Variants in DHX29 observed in about 807,000 individuals in gnomAD.
DHX29 encodes the protein DExH-box helicase 29, also known as ATP-dependent RNA helicase DHX29.
A neutral mutation model predicts 167.9 loss-of-function variants in DHX29; 79 were observed. That is an observed-to-expected ratio of 0.47 (90% CI 0.39 to 0.57). The LOEUF is 0.57. Among genes scored for constraint, DHX29 ranks in the 20% least tolerant of loss-of-function variants. DHX29 has a pLI of 0.00. For synonymous variants in DHX29, 530 were observed against 546.0 expected (o/e 0.97, Z 0.41); for missense variants, 1,347 against 1,593.4 (o/e 0.85, Z 2.63).
intron 7 of DHX29, 118 bp downstream of exon 7, chr5:55,290,100 C>T: frequency 7.4e-6 from 9 of 1,214,338 alleles, no homozygotes; most frequent in Non-Finnish European, 9.1e-6. Flanking sequence ...TTTGCTAATC[C>T]CATGTATAAA....
At chr5:55,301,157 G>A (rs1748578868) in intron 1 of DHX29, among the ~76,000 whole-genome samples, 1 of 152,106 alleles carries the variant, frequency 6.6e-6, no homozygotes, top group South Asian at 2.1e-4. Flanking sequence ...CACACTGGGG[G>A]TAAGGGTCTC....
intron 12 of DHX29, among the ~76,000 whole-genome samples, chr5:55,280,891 T>C (rs1561151816): frequency 6.6e-6 from 1 of 152,158 alleles, no homozygotes; most frequent in South Asian, 2.1e-4. Context: ...TCAGGTCCTA[T>C]GTGCCAGTGA....
chr5:55,276,452 A>G, intron 13 of DHX29, 46 bp from the exon 14 acceptor site: 1 of 1,453,168 alleles, frequency 6.9e-7, no homozygotes, highest in Non-Finnish European at 9.3e-7. Context: ...AATTCGTTTC[A>G]GTAAATATCA....
intron 12 of DHX29, among the ~76,000 whole-genome samples, chr5:55,279,151 G>A (rs1417436872): frequency 1.3e-5 from 2 of 152,198 alleles, no homozygotes; most frequent in East Asian, 1.9e-4. Flanking sequence ...CAAGGGTAAC[G>A]CCAGTGAATA....
intron 23 of DHX29, among the ~76,000 whole-genome samples, chr5:55,264,954 T>G (rs1040971261): frequency 2.6e-5 from 4 of 152,060 alleles, no homozygotes; most frequent in Non-Finnish European, 5.9e-5. Flanking sequence ...AATGAAACAA[T>G]AGGTCCGAGT....
At chr5:55,281,552 T>C (rs764974076) in intron 11 of DHX29, 37 bp from the exon 12 acceptor site, 9 of 1,458,642 alleles carry the variant, frequency 6.2e-6, no homozygotes, top group Non-Finnish European at 8.2e-6. Context: ...TAGATTCTCA[T>C]GAGTAATATG....
chr5:55,303,506 T>G (rs1245726680), intron 1 of DHX29, among the ~76,000 whole-genome samples: 1 of 152,254 alleles, frequency 6.6e-6, no homozygotes, highest in Non-Finnish European at 1.5e-5. Flanking sequence ...AAGTACACAC[T>G]GCCAGGGCCG....
At chr5:55,281,712 C>T (rs1747424370) in intron 11 of DHX29, among the ~76,000 whole-genome samples, 197 bp from the exon 12 acceptor site, 1 of 151,676 alleles carries the variant, frequency 6.6e-6, no homozygotes. Context: ...TTATTAAAAG[C>T]ATTTTCCCAT....
At chr5:55,302,265 G>A (rs570667995) in intron 1 of DHX29, among the ~76,000 whole-genome samples, 2 of 152,238 alleles carry the variant, frequency 1.3e-5, no homozygotes, top group South Asian at 2.1e-4. Context: ...TTAGCATGCA[G>A]TTTTAGAGGT....
In DHX29 at chr5:55,283,205, T is replaced by G; in HGVS notation, c.1963A>C (p.Arg655=). 2 of 1,578,538 alleles carry G rather than the reference T, an allele frequency of 1.3e-6. No homozygotes were observed. The highest frequency in any genetic ancestry group is 1.7e-6 in the Non-Finnish European group (2 of 1,160,018). Reference sequence around the variant, plus strand: ...GGTGGAGTTGAATGACAGCTTACCCTTCCTCCAGGTCCATTTTCACAGCCC... The same window carrying G: ...GGTGGAGTTGAATGACAGCTTACCCGTCCTCCAGGTCCATTTTCACAGCCC... ...ELGCENGPGG[R]NSLCGYQIRM... The change falls in exon 11 of 27, where the codon AGG becomes CGG. Residue 655 remains arginine, a splice_region_variant and synonymous_variant. Coordinates refer to ENST00000251636, the MANE Select transcript of DHX29 (RefSeq NM_019030.4).
chr5:55,258,372 T>C (rs1431233202), intron 26 of DHX29, among the ~76,000 whole-genome samples: 1 of 152,194 alleles, frequency 6.6e-6, no homozygotes, highest in Non-Finnish European at 1.5e-5. Flanking sequence ...CTCAGTTTAT[T>C]AAAAATAATT....
At chr5:55,295,143 T>G (rs1748248582) in intron 5 of DHX29, 2 of 374,450 alleles carry the variant, frequency 5.3e-6, no homozygotes, top group East Asian at 8.6e-5. Flanking sequence ...AGAAACACCT[T>G]GCTGAGCCCA....
chr5:55,280,637 TAA>T (rs1282375664), intron 12 of DHX29, among the ~76,000 whole-genome samples: 2 of 152,128 alleles, frequency 1.3e-5, no homozygotes, highest in Non-Finnish European at 2.9e-5. Context: ...ATCTTAGTGA[TAA>T]GAGTGAAACC....
intron 23 of DHX29, 50 bp downstream of exon 23, chr5:55,267,088 T>G: frequency 3.2e-6 from 4 of 1,260,384 alleles, no homozygotes; most frequent in Non-Finnish European, 4.5e-6. Flanking sequence ...CCAGAATAAC[T>G]TATTATAGTT....
intron 6 of DHX29, among the ~76,000 whole-genome samples, chr5:55,291,521 T>C (rs1449221635): frequency 6.6e-6 from 1 of 152,234 alleles, no homozygotes; most frequent in Non-Finnish European, 1.5e-5. Flanking sequence ...TGGCACATTT[T>C]TCCCCCATAA....
In DHX29 at chr5:55,261,435, A is replaced by G; in HGVS notation, c.3893T>C (p.Phe1298Ser). Residue 1298 changes from phenylalanine (F) to serine (S), a missense_variant, in exon 25 of 27, where the codon TTT becomes TCT. By Grantham distance (155) the Phe-to-Ser change is radical (BLOSUM62 -2). This residue lies in a region of DHX29 where 882 missense variants were observed against 1,082.4 expected (regional missense o/e 0.81). Coordinates refer to ENST00000251636, the MANE Select transcript of DHX29 (RefSeq NM_019030.4). ...TLITPFPVLL[F>S]GGDIEVQHRE... ...GTGCTGAACTTCTATATCACCACCA[A>G]AAAGTAAAACTGGAAAAGGGGTTAT... is the stretch of plus-strand genomic sequence containing the variant. 1 of 1,577,306 alleles carries G rather than the reference A, an allele frequency of 6.3e-7. No homozygotes were observed. Among genetic ancestry groups the G allele is most frequent in the Non-Finnish European group, 8.7e-7 (1 of 1,146,934 alleles).
At chr5:55,283,907 A>T in intron 10 of DHX29, 96 bp from the exon 11 acceptor site, 1 of 1,019,060 alleles carries the variant, frequency 9.8e-7, no homozygotes, top group Non-Finnish European at 1.4e-6. Flanking sequence ...TCATCTTAAA[A>T]TATAATTTGA....
intron 21 of DHX29, 93 bp downstream of exon 21, chr5:55,269,319 TA>T: frequency 3.2e-6 from 4 of 1,232,758 alleles, no homozygotes; most frequent in African/African-American, 1.5e-5. Flanking sequence ...TCTATTTAGT[TA>T]AAAAAATTTT....
intron 18 of DHX29, among the ~76,000 whole-genome samples, chr5:55,271,369 G>A (rs1486408733): frequency 6.6e-6 from 1 of 152,326 alleles, no homozygotes; most frequent in Admixed American, 6.5e-5. Flanking sequence ...GGTGGCTCAC[G>A]CCTGTAATCC....
Sources: allele counts gnomAD v4.1 joint callset (sites outside exome capture counted in the v4.1 genomes callset), GRCh38; gene constraint gnomAD v4.1.1; regional missense constraint gnomAD v4.1.1; transcripts MANE v1.5; gene names NCBI Gene and HGNC (gene_info 2026-07-23, HGNC 2026-07-21).